Variants in RABGAP1 observed in about 807,000 individuals in gnomAD.
RABGAP1 encodes RAB GTPase activating protein 1, also known as rab GTPase-activating protein 1.
In RABGAP1, 23 loss-of-function variants were observed where a neutral mutation model predicts 137.6. The observed-to-expected ratio is 0.17, with a 90% confidence interval of 0.12 to 0.24. The LOEUF (loss-of-function observed/expected upper bound fraction) is 0.24, where lower values mean the gene tolerates loss of function less well. RABGAP1 is among the 10% of genes least tolerant of loss of function. The probability of loss-of-function intolerance (pLI) is 1.00; values close to 1 mark genes in which losing one functional copy is unlikely to be tolerated. For missense variants in RABGAP1, 906 were observed against 1,275.8 expected (o/e 0.71, Z 4.42); for synonymous variants, 451 against 450.7 (o/e 1.00, Z -0.01).
intron 2 of RABGAP1, among the ~76,000 whole-genome samples, chr9:122,958,646 C>A (rs1488907667): frequency 6.6e-6 from 1 of 151,976 alleles, no homozygotes; most frequent in Non-Finnish European, 1.5e-5. Context: ...ACATATGTAA[C>A]AAACCTGCAC....
At chr9:123,029,414 T>G in intron 13 of RABGAP1, 2 of 1,527,878 alleles carry the variant, frequency 1.3e-6, no homozygotes, top group African/African-American at 1.4e-5. Context: ...ATCTCTGCCC[T>G]TGGTATTTCT....
At chr9:123,029,876 G>A (rs2032202322) in intron 13 of RABGAP1, 1 of 279,600 alleles carries the variant, frequency 3.6e-6, no homozygotes, top group Non-Finnish European at 6.9e-6. Context: ...TGAAGCTTAG[G>A]AATTTGAAGA....
intron 4 of RABGAP1, among the ~76,000 whole-genome samples, chr9:122,988,590 G>C (rs762516053): frequency 6.0e-5 from 9 of 150,292 alleles, no homozygotes; most frequent in Admixed American, 2.0e-4. Flanking sequence ...CTGAGAAAAA[G>C]CATCAGTTTT....
intron 2 of RABGAP1, among the ~76,000 whole-genome samples, chr9:122,975,709 G>T (rs1326348496): frequency 6.6e-6 from 1 of 152,180 alleles, no homozygotes; most frequent in Non-Finnish European, 1.5e-5. Flanking sequence ...ATGCTATTTG[G>T]CAGGTACTGT....
At chr9:122,978,335 T>C (rs1564373765) in intron 2 of RABGAP1, among the ~76,000 whole-genome samples, 1 of 152,228 alleles carries the variant, frequency 6.6e-6, no homozygotes, top group African/African-American at 2.4e-5. Flanking sequence ...GTCCATGTTA[T>C]TGTGTGTATT....
chr9:123,053,713 A>AT (rs1263790169), intron 13 of RABGAP1, among the ~76,000 whole-genome samples: 1 of 152,226 alleles, frequency 6.6e-6, no homozygotes, highest in Non-Finnish European at 1.5e-5. Context: ...CATCTGTAAC[A>AT]TTCTGGATTA....
intron 1 of RABGAP1, among the ~76,000 whole-genome samples, chr9:122,942,401 G>T (rs1046540652): frequency 1.3e-5 from 2 of 152,082 alleles, no homozygotes; most frequent in African/African-American, 4.8e-5. Context: ...TAGGGGCCGG[G>T]TGCGTTCACG....
chr9:122,998,821 C>G (rs1837172243), intron 10 of RABGAP1, 55 bp downstream of exon 10: 20 of 1,202,554 alleles, frequency 1.7e-5, no homozygotes, highest in Non-Finnish European at 2.2e-5. Flanking sequence ...GAAATCACGT[C>G]TGAGGCTGAT....
intron 14 of RABGAP1, among the ~76,000 whole-genome samples, chr9:123,065,956 A>C (rs1027999906): frequency 6.6e-6 from 1 of 152,186 alleles, no homozygotes; most frequent in Non-Finnish European, 1.5e-5. Flanking sequence ...AGCCTGTTCA[A>C]TTTCCGTATT....
chr9:122,988,900 G>A lies in RABGAP1; in HGVS notation c.591-397G>A, dbSNP rs999424403. Among the ~76,000 whole-genome samples the A allele has an allele frequency of 3.4e-5, 5 of 146,736 alleles. No homozygotes were observed. In the East Asian group the frequency reaches 8.0e-4, roughly 24 times the overall value. On this transcript the variant is annotated intron_variant, in intron 4 of 25. Coordinates refer to ENST00000373647, the MANE Select transcript of RABGAP1 (RefSeq NM_012197.4). ...GGAGGTTGCGGTGAGCTGAGATTGCGCCATTGCACTCCAGCCTGGGCAACA... is the reference window on the plus strand; with the variant it reads ...GGAGGTTGCGGTGAGCTGAGATTGCACCATTGCACTCCAGCCTGGGCAACA...
At chr9:122,941,786 G>A (rs550415875) in intron 1 of RABGAP1, among the ~76,000 whole-genome samples, 2 of 152,244 alleles carry the variant, frequency 1.3e-5, no homozygotes, top group Non-Finnish European at 2.9e-5. Flanking sequence ...CCAGGAGTTC[G>A]CTGTCCATTG....
chr9:122,939,655 G>A (rs1445430555), upstream of RABGAP1: 1 of 152,124 alleles, frequency 6.6e-6, no homozygotes, highest in African/African-American at 2.4e-5. Flanking sequence ...GAAAGTATGG[G>A]CACCAAAACG....
intron 12 of RABGAP1, among the ~76,000 whole-genome samples, chr9:123,017,312 C>G (rs10818777): frequency 6.6e-6 from 1 of 152,076 alleles, no homozygotes; most frequent in Non-Finnish European, 1.5e-5. Flanking sequence ...ACTTGGAATT[C>G]GTTTTGTTAT....
intron 13 of RABGAP1, among the ~76,000 whole-genome samples, chr9:123,045,503 G>A (rs1426318544): frequency 6.6e-6 from 1 of 152,062 alleles, no homozygotes; most frequent in Non-Finnish European, 1.5e-5. Context: ...TAATACTGAG[G>A]ATGTGTATTG....
intron 2 of RABGAP1, among the ~76,000 whole-genome samples, chr9:122,958,512 A>T (rs1465281625): frequency 3.3e-5 from 5 of 151,858 alleles, no homozygotes; most frequent in Non-Finnish European, 7.4e-5. Flanking sequence ...TGGACACAGG[A>T]TGGGGAACAT....
intron 11 of RABGAP1, among the ~76,000 whole-genome samples, chr9:123,011,035 G>A (rs2030761075): frequency 6.7e-6 from 1 of 148,276 alleles, no homozygotes; most frequent in South Asian, 2.1e-4. Flanking sequence ...TAAATCTATT[G>A]AATTAATCTG....
At chr9:123,020,038 C>CA (rs2031517944) in intron 12 of RABGAP1, among the ~76,000 whole-genome samples, 1 of 142,764 alleles carries the variant, frequency 7.0e-6, no homozygotes, top group South Asian at 2.2e-4. Flanking sequence ...TCCAGTTTTG[C>CA]TTTTTTTTTT....
chr9:123,076,313 A>G lies in RABGAP1; in HGVS notation c.2295+27A>G, dbSNP rs564348025. 82 of 1,592,618 alleles carry G rather than the reference A, an allele frequency of 5.1e-5. No homozygotes were observed. The South Asian group carries it at 8.3e-4, about 16-fold the overall frequency. On this transcript the variant is annotated intron_variant, in intron 18 of 25. Coordinates refer to ENST00000373647, the MANE Select transcript of RABGAP1 (RefSeq NM_012197.4). The stretch of plus-strand genomic sequence containing the variant: ...TACTCATTTATTTATTAGCTGAGTT[A>G]TCTGTCATTCCCTGCTCTGCACTTG...
chr9:123,103,000 A>G, intron 25 of RABGAP1, 91 bp from the exon 26 acceptor site: 1 of 1,497,082 alleles, frequency 6.7e-7, no homozygotes, highest in South Asian at 1.4e-5. Context: ...TCCAGAGTAA[A>G]TAGACTGCAT....
Sources: allele counts gnomAD v4.1 joint callset (sites outside exome capture counted in the v4.1 genomes callset), GRCh38; gene constraint gnomAD v4.1.1; transcripts MANE v1.5; gene names NCBI Gene and HGNC (gene_info 2026-07-23, HGNC 2026-07-21).